The following VPS35L variants were observed in gnomAD, a reference collection of about 807,000 sequenced individuals.
The protein encoded by VPS35L is VPS35 endosomal protein sorting factor like.
VPS35L carries 83 observed loss-of-function variants against 133.0 expected under a neutral mutation model. That is an observed-to-expected ratio of 0.62 (90% CI 0.52 to 0.75). VPS35L has a LOEUF of 0.75. VPS35L is among the 30% of genes least tolerant of loss of function. The probability of loss-of-function intolerance (pLI) is 0.00; values close to 1 mark genes in which losing one functional copy is unlikely to be tolerated. For synonymous variants in VPS35L, 423 were observed against 449.9 expected (o/e 0.94, Z 0.76); for missense variants, 1,083 against 1,206.8 (o/e 0.90, Z 1.52).
At chr16:19,689,303 C>G (rs965364703) in intron 28 of VPS35L, among the ~76,000 whole-genome samples, 1 of 149,730 alleles carries the variant, frequency 6.7e-6, no homozygotes, top group African/African-American at 2.5e-5. Flanking sequence ...CAGAGTCTCG[C>G]TCAGTCACCC....
intron 23 of VPS35L, among the ~76,000 whole-genome samples, chr16:19,647,137 C>T (rs758229128): frequency 1.4e-4 from 21 of 152,286 alleles, no homozygotes; most frequent in Middle Eastern, 3.4e-3. Flanking sequence ...AGGAAACAGA[C>T]ATATGGATTT....
chr16:19,584,150 T>C (rs1448906921), intron 7 of VPS35L, among the ~76,000 whole-genome samples: 1 of 152,216 alleles, frequency 6.6e-6, no homozygotes, highest in Non-Finnish European at 1.5e-5. Flanking sequence ...TTGTGAATAG[T>C]GCTGCAGTAA....
At chr16:19,622,415 T>C (rs188215856) in intron 14 of VPS35L, among the ~76,000 whole-genome samples, 6 of 152,170 alleles carry the variant, frequency 3.9e-5, no homozygotes, top group African/African-American at 1.4e-4. Flanking sequence ...GTGCTGGGAT[T>C]ACAGGCGTGA....
Position 19,699,783 on chromosome 16 carries a change from C to T in VPS35L, c.2793+135C>T. 1.7e-6 allele frequency: 2 copies of T among 1,184,878 alleles called. No homozygotes were observed. Among genetic ancestry groups the T allele is most frequent in the Admixed American group, 4.4e-5 (2 of 45,100 alleles). The allele number at this position is 1,184,878 out of a possible 1,614,324, so 73.4% of individuals were successfully genotyped here. A position where few individuals can be genotyped will look rare whatever the true frequency, so the allele number is the denominator to read the frequency against. ...TAGAAAAGCACTTGGTCCATTTCTA[C>T]TGGATCACTTCCTAGCAGTAAAAAG... On this transcript the variant is annotated intron_variant, in intron 30 of 30. Transcript: ENST00000417362. This position sits in a 1 kb window ranked among gnomAD's most constrained non-coding sequence, Gnocchi z 4.2.
intron 14 of VPS35L, among the ~76,000 whole-genome samples, chr16:19,623,940 A>T (rs1024898878): frequency 8.0e-5 from 12 of 150,044 alleles, no homozygotes; most frequent in Admixed American, 2.0e-4. Flanking sequence ...ACTAGCTGGG[A>T]CTATAAGCAC....
intron 1 of VPS35L, among the ~76,000 whole-genome samples, chr16:19,562,427 T>G (rs1297140869): frequency 1.3e-5 from 2 of 152,096 alleles, no homozygotes; most frequent in Non-Finnish European, 2.9e-5. Context: ...GCCCAGAGTT[T>G]GGTCAAGGAG....
At chr16:19,611,710 C>T (rs569157190) in intron 12 of VPS35L, 1 of 152,102 alleles carries the variant, frequency 6.6e-6, no homozygotes, top group South Asian at 2.1e-4. Flanking sequence ...TTAAGGGCAT[C>T]CTCTTCCCTC....
At chr16:19,607,533 A>G (rs1972571035) in intron 9 of VPS35L, among the ~76,000 whole-genome samples, 1 of 152,202 alleles carries the variant, frequency 6.6e-6, no homozygotes, top group Non-Finnish European at 1.5e-5. Flanking sequence ...GAGAATAGCT[A>G]ATGGAGTAAA....
At position 19,689,909 on chromosome 16, in the gene VPS35L, T is replaced by C. The variant is rs748765076; in HGVS notation, c.2528-1444T>C. ...TGCTGATATAAAAATAGCACGAAGA[T>C]TTATTTTATTTTGTTTATTTTGAGA... On this transcript the variant is annotated intron_variant, in intron 28 of 30. Transcript: ENST00000417362. Among the ~76,000 whole-genome samples the C allele has an allele frequency of 4.6e-4, 70 of 152,020 alleles. 2 individuals are homozygous for C. Among genetic ancestry groups the C allele is most frequent in the Non-Finnish European group, 8.2e-4 (56 of 67,986 alleles).
intron 9 of VPS35L, among the ~76,000 whole-genome samples, chr16:19,602,409 A>G (rs961611877): frequency 2.8e-4 from 43 of 152,130 alleles, no homozygotes; most frequent in African/African-American, 9.7e-4. Flanking sequence ...CCGCTCCTGC[A>G]GTGGGGCTTC....
chr16:19,679,164 C>T (rs960409420), intron 27 of VPS35L, among the ~76,000 whole-genome samples: 2 of 11,636 alleles, frequency 1.7e-4, no homozygotes, highest in African/African-American at 6.9e-4. Context: ...GGCGGGGGGG[C>T]GGGGAGGTTC....
intron 8 of VPS35L, among the ~76,000 whole-genome samples, chr16:19,597,458 A>G (rs9931024): frequency 0.025 from 3,879 of 152,210 alleles, 173 homozygotes; most frequent in African/African-American, 0.089. Flanking sequence ...AATGATAGCC[A>G]AGAAACCGAT....
chr16:19,648,255 G>C (rs1974015661), intron 24 of VPS35L, among the ~76,000 whole-genome samples: 1 of 152,138 alleles, frequency 6.6e-6, no homozygotes, highest in Non-Finnish European at 1.5e-5. Context: ...AAGAACCACT[G>C]CGCCCACCCT....
rs779481133 is a variant in VPS35L, at chr16:19,644,910, A to G, written c.1890A>G (p.Lys630=). ...SVNALTLEDE[K]RMLSYLINGF... ...GTGCACTCACTCTTGAGGATGAGAA[A>G]AGAATGCTGTCATATTTGATTAATG... Residue 630 remains lysine, a synonymous_variant, in exon 23 of 31, where the codon AAA becomes AAG. Coordinates refer to ENST00000417362, the MANE Select transcript of VPS35L (RefSeq NM_020314.7). 6.2e-7 allele frequency: 1 copy of G among 1,601,748 alleles called. No individual in the cohort carries two copies.
Position 19,682,332 on chromosome 16 carries a change from C to CG in VPS35L, c.2470dup (p.Val824GlyfsTer42). On this transcript the variant is annotated frameshift_variant, in exon 28 of 31. Transcript: ENST00000417362. LOFTEE classifies it high-confidence loss of function. Reference sequence around the variant, plus strand: ...ATGAGAAAATCCGCATCTACACCTGCGTCCTGCATCTCCTCTCCGCCATGA... The same window carrying CG: ...ATGAGAAAATCCGCATCTACACCTGCGGTCCTGCATCTCCTCTCCGCCATGA... The CG allele has an allele frequency of 6.2e-7, 1 of 1,614,200 alleles. No homozygotes were observed. Among genetic ancestry groups the CG allele is most frequent in the Non-Finnish European group, 8.5e-7 (1 of 1,180,030 alleles).
rs569479704 is a variant in VPS35L, at chr16:19,573,674, G to A, written c.408+433G>A. Among the ~76,000 whole-genome samples the A allele has an allele frequency of 6.6e-5, 10 of 152,160 alleles. No individual in the cohort carries two copies. The South Asian group carries it at 1.0e-3, about 16-fold the overall frequency. ...TCTCTACTAAAAAAATTAGCCAGGC[G>A]TGGTGGCGGGCACCTGTAATCCTAG... On this transcript the variant is annotated intron_variant, in intron 4 of 30. Transcript: ENST00000417362.
intron 8 of VPS35L, among the ~76,000 whole-genome samples, chr16:19,593,055 G>T (rs1972093981): frequency 6.6e-6 from 1 of 152,116 alleles, no homozygotes; most frequent in Non-Finnish European, 1.5e-5. Context: ...CACTGTGGCT[G>T]CCCCTAGTCC....
intron 26 of VPS35L, among the ~76,000 whole-genome samples, chr16:19,662,949 A>G (rs1974534626): frequency 6.6e-6 from 1 of 151,856 alleles, no homozygotes; most frequent in African/African-American, 2.4e-5. Context: ...AAATTGTACC[A>G]CTGCACTTCA....
intron 27 of VPS35L, among the ~76,000 whole-genome samples, chr16:19,680,388 A>C (rs1233951322): frequency 1.3e-5 from 2 of 152,200 alleles, no homozygotes; most frequent in African/African-American, 2.4e-5. Context: ...ATTGAATGTC[A>C]TCAGGGACAC....
Sources: gnomAD v4.1 joint callset for allele counts (sites outside exome capture counted in the v4.1 genomes callset) on GRCh38, gnomAD v4.1.1 for gene constraint, Gnocchi (gnomAD v3.1) non-coding constraint, MANE v1.5 for transcripts, NCBI Gene and HGNC (gene_info 2026-07-23, HGNC 2026-07-21) for gene names.